The following ENTREP2 variants were observed in gnomAD, a reference collection of about 807,000 sequenced individuals.
ENTREP2 encodes the protein endosomal transmembrane epsin interactor 2.
the ENTREP2 span, among the ~76,000 whole-genome samples, chr15:29,294,755 C>A: frequency 6.6e-6 from 1 of 152,188 alleles, no homozygotes; most frequent in African/African-American, 2.4e-5. Flanking sequence ...ATTGTGCTTT[C>A]TTTTCCACAA....
At chr15:29,595,679 T>C in the ENTREP2 span, among the ~76,000 whole-genome samples, 1 of 152,188 alleles carries the variant, frequency 6.6e-6, no homozygotes, top group Non-Finnish European at 1.5e-5. Flanking sequence ...CACTGTGTCT[T>C]TACTTATTTA....
At chr15:29,249,386 A>G in the ENTREP2 span, among the ~76,000 whole-genome samples, 1 of 152,260 alleles carries the variant, frequency 6.6e-6, no homozygotes, top group Non-Finnish European at 1.5e-5. Flanking sequence ...TGGATAGCAC[A>G]TTTAAATACA....
At chr15:29,555,524 A>G in the ENTREP2 span, among the ~76,000 whole-genome samples, 2 of 152,228 alleles carry the variant, frequency 1.3e-5, no homozygotes, top group Non-Finnish European at 2.9e-5. Flanking sequence ...TATTGTAATT[A>G]TAAGAAAGCC....
At chr15:29,283,827 G>T in the ENTREP2 span, among the ~76,000 whole-genome samples, 2 of 152,104 alleles carry the variant, frequency 1.3e-5, no homozygotes, top group Non-Finnish European at 2.9e-5. Flanking sequence ...TTTTTTTATT[G>T]TTTTGTTGTT....
At chr15:29,636,330 T>C in the ENTREP2 span, among the ~76,000 whole-genome samples, 1 of 152,240 alleles carries the variant, frequency 6.6e-6, no homozygotes, top group African/African-American at 2.4e-5. Context: ...AGTCCTGGAA[T>C]GTGCTTGTGC....
At chr15:29,135,923 C>T in the ENTREP2 span, among the ~76,000 whole-genome samples, 1 of 151,574 alleles carries the variant, frequency 6.6e-6, no homozygotes, top group South Asian at 2.1e-4. This position sits in a 1 kb window ranked among gnomAD's most constrained non-coding sequence, Gnocchi z 7.4. Flanking sequence ...GGTCCATGGA[C>T]CCAGCTCTGC....
At chr15:29,316,464 G>C in the ENTREP2 span, among the ~76,000 whole-genome samples, 1 of 152,216 alleles carries the variant, frequency 6.6e-6, no homozygotes, top group Non-Finnish European at 1.5e-5. Flanking sequence ...GTATCTATTA[G>C]TTGTGATCAC....
chr15:29,426,105 TTAA>T, the ENTREP2 span, among the ~76,000 whole-genome samples: 2 of 151,876 alleles, frequency 1.3e-5, no homozygotes, highest in Non-Finnish European at 2.9e-5. Flanking sequence ...TATTAAATAT[TTAA>T]TAATAATTTT....
chr15:29,653,729 G>A, the ENTREP2 span, among the ~76,000 whole-genome samples: 3 of 152,172 alleles, frequency 2.0e-5, no homozygotes, highest in African/African-American at 7.2e-5. Context: ...AAGTTACCCA[G>A]CCTTGGGCAG....
chr15:29,254,161 CAAAAAAAA>C, the ENTREP2 span, among the ~76,000 whole-genome samples: 212 of 61,336 alleles, frequency 3.5e-3, 1 homozygote, highest in Non-Finnish European at 4.5e-3. Context: ...TGTTAAAGAG[CAAAAAAAA>C]AAAAAAAAAA....
chr15:29,348,572 G>A, the ENTREP2 span, among the ~76,000 whole-genome samples: 2 of 152,246 alleles, frequency 1.3e-5, no homozygotes, highest in Non-Finnish European at 2.9e-5. Flanking sequence ...TGGAGTCTTC[G>A]GAGCATTTCC....
At chr15:29,233,743 C>T in the ENTREP2 span, 1 of 1,468,904 alleles carries the variant, frequency 6.8e-7, no homozygotes, top group African/African-American at 1.4e-5. Flanking sequence ...GTTTGTTAAC[C>T]ACAGAAGAAG....
chr15:29,349,399 G>A, the ENTREP2 span, among the ~76,000 whole-genome samples: 1 of 152,130 alleles, frequency 6.6e-6, no homozygotes, highest in South Asian at 2.1e-4. Flanking sequence ...ATACAAATTG[G>A]CATCAATCAT....
chr15:29,279,074 C>G, the ENTREP2 span, among the ~76,000 whole-genome samples: 4 of 152,136 alleles, frequency 2.6e-5, no homozygotes, highest in African/African-American at 9.7e-5. Context: ...GACCAGAGCC[C>G]CACTGTAAAG....
the ENTREP2 span, among the ~76,000 whole-genome samples, chr15:29,380,848 C>CTTT: frequency 7.8e-6 from 1 of 127,510 alleles, no homozygotes; most frequent in African/African-American, 3.0e-5. Context: ...TGCATCCACA[C>CTTT]TTTTTTTTTT....
the ENTREP2 span, among the ~76,000 whole-genome samples, chr15:29,273,115 C>T: frequency 4.9e-4 from 74 of 151,554 alleles, 1 homozygote; most frequent in Admixed American, 1.6e-3. Flanking sequence ...AAGAGGGGGT[C>T]TGTTCAGTCA....
At chr15:29,285,376 G>A in the ENTREP2 span, among the ~76,000 whole-genome samples, 55 of 152,268 alleles carry the variant, frequency 3.6e-4, no homozygotes, top group African/African-American at 1.3e-3. Context: ...TGCTCTCTCA[G>A]AAGTATGAAC....
chr15:29,429,672 G>A, the ENTREP2 span, among the ~76,000 whole-genome samples: 8 of 152,192 alleles, frequency 5.3e-5, no homozygotes, highest in Admixed American at 1.3e-4. Flanking sequence ...GACAGGATCC[G>A]GTAGAAGGGA....
the ENTREP2 span, among the ~76,000 whole-genome samples, chr15:29,534,927 A>G: frequency 6.6e-6 from 1 of 152,238 alleles, no homozygotes; most frequent in Admixed American, 6.5e-5. Flanking sequence ...GAGATAATTT[A>G]TTACATGTGA....
Sources: gnomAD v4.1 joint callset for allele counts (sites outside exome capture counted in the v4.1 genomes callset) on GRCh38, gnomAD v4.1.1 for gene constraint, Gnocchi (gnomAD v3.1) non-coding constraint, MANE v1.5 for transcripts, NCBI Gene and HGNC (gene_info 2026-07-23, HGNC 2026-07-21) for gene names.